The following ACOT11 variants were observed in gnomAD, a reference collection of about 807,000 sequenced individuals.
ACOT11 encodes acyl-CoA thioesterase 11.
Under a neutral mutation model 77.5 loss-of-function variants are expected in ACOT11, and 69 were observed. The observed-to-expected ratio is 0.89, with a 90% confidence interval of 0.73 to 1.09. The LOEUF (loss-of-function observed/expected upper bound fraction) is 1.09. ACOT11 is among the 50% of genes least tolerant of loss of function. The probability of loss-of-function intolerance (pLI) is 0.00; values close to 1 mark genes in which losing one functional copy is unlikely to be tolerated. For synonymous variants in ACOT11, 279 were observed against 313.0 expected (o/e 0.89, Z 1.15); for missense variants, 766 against 813.7 (o/e 0.94, Z 0.71).
chr1:54,554,991 C>T (rs1164609747), intron 1 of ACOT11, among the ~76,000 whole-genome samples: 32 of 152,324 alleles, frequency 2.1e-4, no homozygotes, highest in Admixed American at 2.0e-3. Flanking sequence ...CGGAGTCTCA[C>T]TCTGTCGCCC....
At chr1:54,570,649 T>G (rs1388318686) in intron 1 of ACOT11, among the ~76,000 whole-genome samples, 1 of 150,242 alleles carries the variant, frequency 6.7e-6, no homozygotes, top group South Asian at 2.1e-4. Flanking sequence ...AAGTGCTGGC[T>G]GGGATTACAG....
At chr1:54,592,397 A>T (rs1654741923) in intron 3 of ACOT11, 149 bp from the exon 4 acceptor site, 1 of 677,094 alleles carries the variant, frequency 1.5e-6, no homozygotes, top group Non-Finnish European at 2.5e-6. Context: ...GGCTTTGAGG[A>T]CTTGGTGGTA....
At chr1:54,634,267 T>G (rs1184537833) in intron 16 of ACOT11, among the ~76,000 whole-genome samples, 1 of 152,220 alleles carries the variant, frequency 6.6e-6, no homozygotes, top group Non-Finnish European at 1.5e-5. Context: ...GGATTCTCCC[T>G]AAAATAACTA....
intron 6 of ACOT11, among the ~76,000 whole-genome samples, chr1:54,595,415 G>A (rs1300114693): frequency 2.6e-5 from 4 of 152,068 alleles, no homozygotes; most frequent in Non-Finnish European, 5.9e-5. Flanking sequence ...TTATGTGTAT[G>A]TGTGTGTATA....
At chr1:54,570,813 T>C (rs1017268496) in intron 1 of ACOT11, among the ~76,000 whole-genome samples, 2 of 152,048 alleles carry the variant, frequency 1.3e-5, no homozygotes, top group African/African-American at 4.8e-5. Flanking sequence ...ACCGAGTAGC[T>C]GGGATTACAG....
chr1:54,566,103 C>G (rs912608076), intron 1 of ACOT11, among the ~76,000 whole-genome samples: 1 of 152,172 alleles, frequency 6.6e-6, no homozygotes, highest in African/African-American at 2.4e-5. Context: ...CCTCCCACCT[C>G]ACTGACTGCT....
chr1:54,607,351 G>A lies in ACOT11; in HGVS notation c.1502+86G>A. On this transcript the variant is annotated intron_variant, in intron 14 of 15. Coordinates refer to ENST00000343744, the MANE Select transcript of ACOT11 (RefSeq NM_147161.4). This position sits in a 1 kb window ranked among gnomAD's most constrained non-coding sequence, Gnocchi z 4.5. ...TTCTCCCTCCCAGGGAAGGGCATCA[G>A]CCTGGAGCCAGAGCTCTGCTTCCCA... 1 of 1,578,824 alleles carries A rather than the reference G, an allele frequency of 6.3e-7. No homozygotes were observed. Among genetic ancestry groups the A allele is most frequent in the East Asian group, 2.3e-5 (1 of 44,312 alleles).
intron 1 of ACOT11, among the ~76,000 whole-genome samples, chr1:54,569,655 A>T (rs903502752): frequency 6.6e-6 from 1 of 152,154 alleles, no homozygotes; most frequent in Non-Finnish European, 1.5e-5. Flanking sequence ...CAGGGTGCCC[A>T]TTTGGTTACA....
exon 17 of ACOT11, chr1:54,637,293 G>C (rs1302640257): frequency 1.3e-5 from 2 of 151,402 alleles, no homozygotes; most frequent in Admixed American, 1.3e-4. Context: ...GAGCAGCCTG[G>C]CCAACATGGT....
chr1:54,634,687 G>C lies in ACOT11; in HGVS notation c.1783-1G>C, dbSNP rs1644321211. 1.4e-6 allele frequency: 1 copy of C among 701,950 alleles called. No homozygotes were observed. The highest frequency in any genetic ancestry group is 2.6e-6 in the Non-Finnish European group (1 of 384,744). The allele number at this position is 701,950 out of a possible 1,614,324, so 43.5% of individuals were successfully genotyped here. A position where few individuals can be genotyped will look rare whatever the true frequency, so the allele number is the denominator to read the frequency against. ...TAGAGGTTATGCTTGCGTTTCTCCA[G>C]GCCAAAATCAACAGCCGATTTGGAT... On this transcript the variant is annotated splice_acceptor_variant, in intron 16 of 16. Transcript: ENST00000371316. LOFTEE classifies it high-confidence loss of function.
At chr1:54,593,675 C>T (rs1654792999) in intron 4 of ACOT11, among the ~76,000 whole-genome samples, 3 of 152,134 alleles carry the variant, frequency 2.0e-5, no homozygotes, top group Non-Finnish European at 2.9e-5. Flanking sequence ...TCAACAATCC[C>T]ACAAGGGTAG....
At chr1:54,614,689 C>T (rs370122256), downstream of ACOT11, 227 of 1,605,328 alleles carry the variant, frequency 1.4e-4, no homozygotes, top group East Asian at 1.3e-3. Flanking sequence ...GACAGAGAGG[C>T]GAACACTCAC....
At chr1:54,589,752 A>T (rs1329777646) in intron 3 of ACOT11, among the ~76,000 whole-genome samples, 8 of 152,082 alleles carry the variant, frequency 5.3e-5, no homozygotes. Context: ...CTTCTAAAGC[A>T]TTAAGATAAC....
At chr1:54,595,214 C>T (rs1338614175) in intron 6 of ACOT11, among the ~76,000 whole-genome samples, 4 of 152,014 alleles carry the variant, frequency 2.6e-5, no homozygotes, top group African/African-American at 9.7e-5. Flanking sequence ...GGTGTAGTGG[C>T]GTGCACCTGT....
In ACOT11 at chr1:54,593,392, T is replaced by G. The variant is rs868560429; in HGVS notation, c.373-549T>G. 2.0e-5 allele frequency among the ~76,000 whole-genome samples: 3 copies of G among 151,818 alleles called. No individual in the cohort carries two copies. The South Asian group carries it at 6.2e-4, about 32-fold the overall frequency. ...CCTGGGCTTTAGCAATATTCCTGCC[T>G]CAGCCTCCTGAGTAGCTGGGACTAC... On this transcript the variant is annotated intron_variant, in intron 4 of 15. Coordinates refer to ENST00000343744, the MANE Select transcript of ACOT11 (RefSeq NM_147161.4).
At position 54,607,347 on chromosome 1, in the gene ACOT11, A is replaced by T. The variant is rs972295364; in HGVS notation, c.1502+82A>T. The T allele has an allele frequency of 5.7e-5, 91 of 1,583,602 alleles. No individual in the cohort carries two copies. In the Admixed American group the frequency reaches 1.0e-3, roughly 18 times the overall value. On this transcript the variant is annotated intron_variant, in intron 14 of 15. Coordinates refer to ENST00000343744, the MANE Select transcript of ACOT11 (RefSeq NM_147161.4). The surrounding 1 kb of genome is among the most constrained non-coding windows in gnomAD (Gnocchi z 4.5). ...CCGCTTCTCCCTCCCAGGGAAGGGC[A>T]TCAGCCTGGAGCCAGAGCTCTGCTT... is the stretch of plus-strand genomic sequence containing the variant.
At chr1:54,623,253 G>T in intron 15 of ACOT11, 1 of 1,542,450 alleles carries the variant, frequency 6.5e-7, no homozygotes, top group Non-Finnish European at 9.0e-7. Flanking sequence ...AAGCCACTCA[G>T]GATGACATGG....
chr1:54,604,987 G>C, intron 12 of ACOT11, 89 bp from the exon 13 acceptor site: 1 of 1,416,058 alleles, frequency 7.1e-7, no homozygotes, highest in South Asian at 1.3e-5. Context: ...CAAGTCAGCT[G>C]TAGCCCTGAG....
At chr1:54,618,183 G>A (rs1054554055) in intron 15 of ACOT11, among the ~76,000 whole-genome samples, 1 of 152,078 alleles carries the variant, frequency 6.6e-6, no homozygotes, top group Non-Finnish European at 1.5e-5. Flanking sequence ...GGCACCTCCT[G>A]CTCATCCTTT....
Sources: allele counts gnomAD v4.1 joint callset (sites outside exome capture counted in the v4.1 genomes callset), GRCh38; gene constraint gnomAD v4.1.1; non-coding constraint Gnocchi (gnomAD v3.1); transcripts MANE v1.5; gene names NCBI Gene and HGNC (gene_info 2026-07-23, HGNC 2026-07-21).